The following PLCB3 variants were observed in gnomAD, a reference collection of about 807,000 sequenced individuals.
PLCB3 encodes the protein phospholipase C beta 3, also known as 1-phosphatidylinositol 4,5-bisphosphate phosphodiesterase beta-3.
PLCB3 carries 54 observed loss-of-function variants against 152.1 expected under a neutral mutation model. The observed-to-expected ratio is 0.36, with a 90% CI of 0.29 to 0.45. The LOEUF (loss-of-function observed/expected upper bound fraction) is 0.45. Among genes scored for constraint, PLCB3 ranks in the 20% least tolerant of loss-of-function variants. The pLI, the probability that PLCB3 is intolerant of heterozygous loss-of-function variation, is 1.00. For synonymous variants in PLCB3, 717 were observed against 698.7 expected, an observed-to-expected ratio of 1.03 and a Z score of -0.41; for missense variants, 1,248 against 1,687.5, an observed-to-expected ratio of 0.74 and a Z score of 4.56.
intron 19 of PLCB3, 136 bp downstream of exon 19, chr11:64,262,944 C>A: frequency 4.8e-6 from 4 of 836,206 alleles, no homozygotes; most frequent in Non-Finnish European, 7.5e-6. Flanking sequence ...ATGGGTCCCC[C>A]AGGACCTGCC....
chr11:64,258,297 T>C lies in PLCB3; in HGVS notation c.1013-176T>C, dbSNP rs745546486. On this transcript the variant is annotated intron_variant, in intron 10 of 30. Coordinates refer to ENST00000279230, the MANE Select transcript of PLCB3 (RefSeq NM_000932.5). This position sits in a 1 kb window ranked among gnomAD's most constrained non-coding sequence, Gnocchi z 7.2. ...TTGTTGAGGCAGTGGGGAGCTATAG[T>C]GAGTCTCAGGGATGACTCCCCCCAG... Among the ~76,000 whole-genome samples, 13 of 151,968 alleles carry C rather than the reference T, an allele frequency of 8.6e-5. No individual in the cohort carries two copies. The highest frequency in any genetic ancestry group is 1.2e-4 in the African/African-American group (5 of 41,368).
chr11:64,251,659 G>T lies in PLCB3; in HGVS notation c.10G>T (p.Ala4Ser). Reference protein sequence around the residue: MAGAQPGVHALQLE... With the variant: MAGSQPGVHALQLE... ...CGCCCCTGGCCGGGCCATGGCGGGCGCCCAGCCCGGCGTCCACGCGCTGCA... is the reference window on the plus strand; with the variant it reads ...CGCCCCTGGCCGGGCCATGGCGGGCTCCCAGCCCGGCGTCCACGCGCTGCA... The change falls in exon 1 of 31, where the codon GCC becomes TCC. Residue 4 changes from alanine to serine, a missense_variant. Transcript: ENST00000279230. 6.8e-7 allele frequency: 1 copy of T among 1,466,450 alleles called. No homozygotes were observed. The highest frequency in any genetic ancestry group is 9.0e-7 in the Non-Finnish European group (1 of 1,105,166). 90.8% of individuals were successfully genotyped at this position (1,466,450 alleles called of 1,614,324 possible).
Position 64,262,558 on chromosome 11 carries a change from C to G in PLCB3, c.2190C>G (p.Val730=). The change falls in exon 18 of 31, where the codon GTC becomes GTG. Residue 730 remains valine (V), a synonymous_variant. Transcript: ENST00000279230. The part of the protein sequence containing the change: ...VDGIVANALR[V]KVISGQFLSD... The stretch of plus-strand genomic sequence containing the variant: ...GCATCGTGGCCAATGCCTTGCGGGT[C>G]AAGGTGGGGCTTGCGGGCGGCTCAG... 6.2e-7 allele frequency: 1 copy of G among 1,613,390 alleles called. No homozygotes were observed. The highest frequency in any genetic ancestry group is 8.5e-7 in the Non-Finnish European group (1 of 1,179,576).
In PLCB3 at chr11:64,267,678, C is replaced by G; in HGVS notation, c.*122C>G. ...TATCTAGAAATTTTATTTTTTTAAA[C>G]CCGGGGCAAGTACCTCAGCTAACTC... On this transcript the variant is annotated 3_prime_UTR_variant, in exon 31 of 31. Transcript: ENST00000279230. The surrounding 1 kb of genome is among the most constrained non-coding windows in gnomAD (Gnocchi z 5.2). 2.4e-6 allele frequency: 2 copies of G among 841,174 alleles called. No individual in the cohort carries two copies. Among genetic ancestry groups the G allele is most frequent in the East Asian group, 2.7e-5 (1 of 36,856 alleles). The allele number at this position is 841,174 out of a possible 1,614,324, so 52.1% of individuals were successfully genotyped here.
intron 10 of PLCB3, among the ~76,000 whole-genome samples, chr11:64,257,536 G>C (rs1375770880): frequency 1.3e-5 from 2 of 151,942 alleles, no homozygotes; most frequent in Admixed American, 1.3e-4. Context: ...AGTATCGCTT[G>C]GTTCTGGGAA....
At chr11:64,265,157 G>A in intron 23 of PLCB3, 35 bp from the exon 24 acceptor site, 1 of 1,572,326 alleles carries the variant, frequency 6.4e-7, no homozygotes. Flanking sequence ...CCCCCACCCT[G>A]TCCTCCAGCT....
rs945886938 is a variant in PLCB3 at position 64,266,420 on chromosome 11, C to T, written c.3356+16C>T. The T allele has an allele frequency of 6.2e-7, 1 of 1,600,916 alleles. No homozygotes were observed. The highest frequency in any genetic ancestry group is 8.6e-7 in the Non-Finnish European group (1 of 1,168,374). ...AGAAGGAGGCGTAAGGGCACCGGGA[C>T]CGGGGGCCATCTGGGTACTGGGGAG... is the stretch of plus-strand genomic sequence containing the variant. On this transcript the variant is annotated intron_variant, in intron 28 of 30. Coordinates refer to ENST00000279230, the MANE Select transcript of PLCB3 (RefSeq NM_000932.5). This position sits in a 1 kb window ranked among gnomAD's most constrained non-coding sequence, Gnocchi z 4.9.
Position 64,263,527 on chromosome 11 carries a change from C to A in PLCB3, c.2385C>A (p.Arg795=), listed in dbSNP as rs2031957681. 6.3e-7 allele frequency: 1 copy of A among 1,576,906 alleles called. No individual in the cohort carries two copies. The highest frequency in any genetic ancestry group is 1.4e-5 in the African/African-American group (1 of 73,998). ...TGCTGCCCACGCTGGCTTCACTTCG[C>A]ATTGCAGCCTTTGAGGAGGGGGGTA... The part of the protein sequence containing the change: ...KVVLPTLASL[R]IAAFEEGGKF... The change falls in exon 20 of 31, where the codon CGC becomes CGA. Residue 795 remains arginine (R), a synonymous_variant. Coordinates refer to ENST00000279230, the MANE Select transcript of PLCB3 (RefSeq NM_000932.5).
chr11:64,264,004 C>T lies in PLCB3; in HGVS notation c.2561-17C>T, dbSNP rs753943526. ...GGGGCTCTGTCTCTGAGACCTTGGC[C>T]TTCTGCCTCCCCCCAGACTATGCGG... On this transcript the variant is annotated splice_polypyrimidine_tract_variant and intron_variant, in intron 21 of 30. Transcript: ENST00000279230. The T allele has an allele frequency of 3.8e-6, 6 of 1,562,520 alleles. No individual in the cohort carries two copies. The Admixed American group carries it at 9.5e-5, about 25-fold the overall frequency.
rs1167478382 is a variant in PLCB3, at chr11:64,258,172, G to A, written c.1013-301G>A. Among the ~76,000 whole-genome samples the A allele has an allele frequency of 6.6e-6, 1 of 151,000 alleles. No individual in the cohort carries two copies. Among genetic ancestry groups the A allele is most frequent in the Non-Finnish European group, 1.5e-5 (1 of 67,628 alleles). ...CCGTCTCAAAAAAAAAAAAAAAAGA[G>A]ATTGGATTGGAGGCAGGGAGGGCTG... On this transcript the variant is annotated intron_variant, in intron 10 of 30. Transcript: ENST00000279230. The surrounding 1 kb of genome is among the most constrained non-coding windows in gnomAD (Gnocchi z 7.2).
At position 64,266,280 on chromosome 11, in the gene PLCB3, G is replaced by A. The variant is rs761858716; in HGVS notation, c.3267-35G>A. The A allele has an allele frequency of 8.1e-6, 13 of 1,613,556 alleles. No individual in the cohort carries two copies. Among genetic ancestry groups the A allele is most frequent in the Admixed American group, 3.3e-5 (2 of 59,962 alleles). Reference sequence around the variant, plus strand: ...GGAGGGCAGAGTCTGTGCTTCTGCCGCTGACCCCTCCTCTTCCCCTGCCGG... The same window carrying A: ...GGAGGGCAGAGTCTGTGCTTCTGCCACTGACCCCTCCTCTTCCCCTGCCGG... On this transcript the variant is annotated intron_variant, in intron 27 of 30. Transcript: ENST00000279230. The surrounding 1 kb of genome is among the most constrained non-coding windows in gnomAD (Gnocchi z 4.9).
intron 8 of PLCB3, 50 bp from the exon 9 acceptor site, chr11:64,256,326 G>A (rs780842694): frequency 1.3e-6 from 2 of 1,576,020 alleles, no homozygotes; most frequent in East Asian, 2.2e-5. Context: ...TGGCGACGGG[G>A]TGGGAGCCCT....
rs2032195321 is a variant in PLCB3 at position 64,267,627 on chromosome 11, GC to G, written c.*72del. 3 of 919,636 alleles carry G rather than the reference GC, an allele frequency of 3.3e-6. No individual in the cohort carries two copies. The highest frequency in any genetic ancestry group is 3.2e-6 in the Non-Finnish European group (2 of 627,942). 57.0% of individuals were successfully genotyped at this position (919,636 alleles called of 1,614,324 possible). On this transcript the variant is annotated 3_prime_UTR_variant, in exon 31 of 31. Transcript: ENST00000279230. This position sits in a 1 kb window ranked among gnomAD's most constrained non-coding sequence, Gnocchi z 5.2. ...GAGGGCAGGAGGCAATGACACTAAT[GC>G]TTTTTTTTTTTTTTTTTAACTTTTT...
Position 64,267,886 on chromosome 11 carries a change from G to A in PLCB3, c.*330G>A, listed in dbSNP as rs1272469531. The A allele has an allele frequency of 3.2e-6, 1 of 314,240 alleles. No homozygotes were observed. Among genetic ancestry groups the A allele is most frequent in the Non-Finnish European group, 5.9e-6 (1 of 170,654 alleles). The allele number at this position is 314,240 out of a possible 1,614,324, so 19.5% of individuals were successfully genotyped here. ...GTCACATTTTTTTCTCTATTCTTTG[G>A]GGATTTTTTTTACATGAATAAAAGT... On this transcript the variant is annotated 3_prime_UTR_variant, in exon 31 of 31. Coordinates refer to ENST00000279230, the MANE Select transcript of PLCB3 (RefSeq NM_000932.5). This position sits in a 1 kb window ranked among gnomAD's most constrained non-coding sequence, Gnocchi z 5.2.
chr11:64,255,425 A>G lies in PLCB3; in HGVS notation c.497A>G (p.Gln166Arg). The part of the protein sequence containing the change: ...AYTKLKLQVN[Q>R]DGRIPVKNIL... ...ACGAAGCTGAAGCTGCAGGTGAACC[A>G]GGATGGTCGGATCCCCGTCAAGAAG... The change falls in exon 6 of 31, where the codon CAG becomes CGG. Residue 166 changes from glutamine (Q) to arginine (R), a missense_variant. Gln to Arg is a conservative substitution (Grantham distance 43). Coordinates refer to ENST00000279230, the MANE Select transcript of PLCB3 (RefSeq NM_000932.5). This position sits in a 1 kb window ranked among gnomAD's most constrained non-coding sequence, Gnocchi z 6.8. The G allele has an allele frequency of 6.2e-7, 1 of 1,614,190 alleles. No individual in the cohort carries two copies. The highest frequency in any genetic ancestry group is 8.5e-7 in the Non-Finnish European group (1 of 1,180,022).
chr11:64,261,345 G>T, intron 14 of PLCB3, 55 bp from the exon 15 acceptor site: 1 of 1,300,818 alleles, frequency 7.7e-7, no homozygotes, highest in Non-Finnish European at 1.1e-6. Context: ...GGCAGGTGAG[G>T]GAATGGCCAG....
chr11:64,256,567 G>T, intron 9 of PLCB3, 25 bp downstream of exon 9: 1 of 1,613,036 alleles, frequency 6.2e-7, no homozygotes, highest in Non-Finnish European at 8.5e-7. Flanking sequence ...GTGCAGGTGG[G>T]TGGGGGCAGG....
chr11:64,258,117 G>A lies in PLCB3; in HGVS notation c.1013-356G>A, dbSNP rs1305123757. On this transcript the variant is annotated intron_variant, in intron 10 of 30. Coordinates refer to ENST00000279230, the MANE Select transcript of PLCB3 (RefSeq NM_000932.5). This position sits in a 1 kb window ranked among gnomAD's most constrained non-coding sequence, Gnocchi z 7.2. ...TGCAGTGAACCGAGGTTGTGCCACT[G>A]CACTCCAGCCTGGGTGACAGAGCGA... Among the ~76,000 whole-genome samples the A allele has an allele frequency of 6.6e-6, 1 of 150,880 alleles. No individual in the cohort carries two copies. Among genetic ancestry groups the A allele is most frequent in the African/African-American group, 2.4e-5 (1 of 40,956 alleles).
rs753474990 is a variant in PLCB3 at position 64,261,493 on chromosome 11, C to T, written c.1825C>T (p.Arg609Ter). The change falls in exon 15 of 31, where the codon CGA becomes TGA. Residue 609 changes from arginine (R) to a stop codon, truncating the protein, a stop_gained. Transcript: ENST00000279230. LOFTEE classifies it high-confidence loss of function. ...PVKFKSFEAA[R>*]KRNKCFEMSS... is the part of the protein sequence containing the mutation. ...CAAGTTCAAGTCCTTTGAGGCTGCT[C>T]GAAGTGAGTGGGGGTGGGTGGCAGG... 4 of 1,613,660 alleles carry T rather than the reference C, an allele frequency of 2.5e-6. No homozygotes were observed. Among genetic ancestry groups the T allele is most frequent in the East Asian group, 2.2e-5 (1 of 44,880 alleles).
Sources: allele counts gnomAD v4.1 joint callset (sites outside exome capture counted in the v4.1 genomes callset), GRCh38; gene constraint gnomAD v4.1.1; non-coding constraint Gnocchi (gnomAD v3.1); transcripts MANE v1.5; gene names NCBI Gene and HGNC (gene_info 2026-07-23, HGNC 2026-07-21).